Variants in CHD9 observed in about 807,000 individuals in gnomAD.
The protein encoded by CHD9 is chromodomain helicase DNA binding protein 9.
In CHD9, 77 loss-of-function variants were observed where a neutral mutation model predicts 316.1. The ratio of observed to expected loss-of-function variants is 0.24; its 90% CI spans 0.20 to 0.29. CHD9 has a LOEUF of 0.29. Ranked by LOEUF, CHD9 falls within the 10% of genes least tolerant of loss-of-function variation. CHD9 has a pLI of 1.00. For synonymous variants in CHD9, 1,129 were observed against 1,158.3 expected, an observed-to-expected ratio of 0.97 and a Z score of 0.51; for missense variants, 2,763 against 3,438.1, an observed-to-expected ratio of 0.80 and a Z score of 4.91.
chr16:53,204,046 A>AT lies in CHD9; in HGVS notation c.1453-5436_1453-5435insT, dbSNP rs1442183873. Reference sequence around the variant, plus strand: ...CTCAAAAAAAAAAAAAAAAAAAAAAAAAATATATATATACACACACACACA... The same window carrying AT: ...CTCAAAAAAAAAAAAAAAAAAAAAAATAAATATATATATACACACACACACA... On this transcript the variant is annotated intron_variant, in intron 2 of 38. Transcript: ENST00000447540. 4.0e-3 allele frequency among the ~76,000 whole-genome samples: 357 copies of AT among 89,854 alleles called. 14 individuals are homozygous for AT. The highest frequency in any genetic ancestry group is 0.011 in the African/African-American group (273 of 23,866). The allele number at this position is 89,854 out of a possible 152,430, so 58.9% of individuals were successfully genotyped here.
At chr16:53,214,395 A>G (rs534798064) in intron 3 of CHD9, among the ~76,000 whole-genome samples, 6 of 152,292 alleles carry the variant, frequency 3.9e-5, no homozygotes, top group Non-Finnish European at 5.9e-5. Flanking sequence ...GAAATAATAT[A>G]TGCTCGAATT....
intron 1 of CHD9, among the ~76,000 whole-genome samples, chr16:53,101,273 CTTT>C (rs1012377760): frequency 4.0e-5 from 5 of 124,840 alleles, no homozygotes; most frequent in Non-Finnish European, 6.6e-5. Context: ...TTTTCCTTTT[CTTT>C]TTTTTTTTTT....
At chr16:53,130,576 G>A (rs893970749) in intron 1 of CHD9, among the ~76,000 whole-genome samples, 1 of 150,456 alleles carries the variant, frequency 6.6e-6, no homozygotes, top group African/African-American at 2.4e-5. Context: ...CCACTGCACT[G>A]CCCCGCGCTC....
In CHD9 at chr16:53,257,860, G is replaced by GT. The variant is rs576227281; in HGVS notation, c.4209+2088dup. On this transcript the variant is annotated intron_variant, in intron 19 of 38. Transcript: ENST00000447540. ...ACTAAGTAGATGTACCCCGGCTCTA[G>GT]TTTTTTTCCTGGGAAATCTTACTTA... 4.7e-4 allele frequency among the ~76,000 whole-genome samples: 71 copies of GT among 152,194 alleles called. 2 individuals carry two copies. The South Asian group carries it at 0.013, about 28-fold the overall frequency.
chr16:53,127,629 A>C (rs531907868), intron 1 of CHD9, among the ~76,000 whole-genome samples: 5 of 151,970 alleles, frequency 3.3e-5, no homozygotes, highest in Non-Finnish European at 7.4e-5. Context: ...GCGGGGGGGA[A>C]TCCCTTTCTC....
In CHD9 at chr16:53,097,351, TCTCCCTTC is replaced by T. The variant is rs1367155204; in HGVS notation, c.-165+42277_-165+42284del. On this transcript the variant is annotated intron_variant, in intron 1 of 38. Coordinates refer to ENST00000447540, the MANE Select transcript of CHD9 (RefSeq NM_001308319.2). ...TTATCAACAATTCCTCTAACCTCGC[TCTCCCTTC>T]CTTCCTTCCTTCCTTCCTTCCTTCC... Among the ~76,000 whole-genome samples, 10 of 137,400 alleles carry T rather than the reference TCTCCCTTC, an allele frequency of 7.3e-5. No individual in the cohort carries two copies. In the South Asian group the frequency reaches 1.0e-3, roughly 14 times the overall value. 90.1% of individuals were successfully genotyped at this position (137,400 alleles called of 152,430 possible).
chr16:53,226,841 C>A (rs768064026), intron 5 of CHD9, among the ~76,000 whole-genome samples: 2 of 152,208 alleles, frequency 1.3e-5, no homozygotes, highest in African/African-American at 4.8e-5. Context: ...GTTTCCTAAA[C>A]CTTACAAAAA....
intron 1 of CHD9, among the ~76,000 whole-genome samples, chr16:53,090,600 C>T (rs2035850465): frequency 6.6e-6 from 1 of 152,188 alleles, no homozygotes; most frequent in Admixed American, 6.5e-5. Flanking sequence ...TTTTTGTGTG[C>T]AGTCCAGGTT....
At chr16:53,146,415 G>GTATATATATATATATATATATATA (rs149684203) in intron 1 of CHD9, among the ~76,000 whole-genome samples, 13 of 64,440 alleles carry the variant, frequency 2.0e-4, no homozygotes, top group African/African-American at 4.7e-4. Context: ...GTGTGTGTGT[G>GTATATATATATATATATATATATA]TATGTATATA....
rs1037388897 is a variant in CHD9 at position 53,326,132 on chromosome 16, A to T, written c.*1237A>T. On this transcript the variant is annotated 3_prime_UTR_variant, in exon 39 of 39. Coordinates refer to ENST00000447540, the MANE Select transcript of CHD9 (RefSeq NM_001308319.2). The stretch of plus-strand genomic sequence containing the variant: ...GTTCAATTTCATAGACTCCTTTACC[A>T]TGTAAAATTTGTCTGATATTTGATT... The T allele has an allele frequency of 1.3e-5, 2 of 152,524 alleles. No homozygotes were observed. Among genetic ancestry groups the T allele is most frequent in the Non-Finnish European group, 2.9e-5 (2 of 67,928 alleles). The allele number at this position is 152,524 out of a possible 1,614,324, so 9.4% of individuals were successfully genotyped here.
At chr16:53,214,944 C>A (rs550333268) in intron 3 of CHD9, among the ~76,000 whole-genome samples, 1 of 147,070 alleles carries the variant, frequency 6.8e-6, no homozygotes, top group Non-Finnish European at 1.5e-5. Flanking sequence ...GACGGAGTCT[C>A]ACTCTGTCTC....
chr16:53,076,965 C>T (rs912113966), intron 1 of CHD9, among the ~76,000 whole-genome samples: 1 of 151,512 alleles, frequency 6.6e-6, no homozygotes, highest in East Asian at 1.9e-4. Context: ...CAGGTGCATG[C>T]CACCAGGCCC....
At chr16:53,311,926 C>T (rs1567673357) in intron 34 of CHD9, 1 of 151,826 alleles carries the variant, frequency 6.6e-6, no homozygotes, top group African/African-American at 2.4e-5. Context: ...GCATTCAATA[C>T]AAAAAAAGCT....
chr16:53,241,641 G>GT (rs2049103884), intron 12 of CHD9, among the ~76,000 whole-genome samples: 1 of 152,152 alleles, frequency 6.6e-6, no homozygotes, highest in Non-Finnish European at 1.5e-5. Context: ...ATTTTTAGAG[G>GT]TAAATTTGAG....
intron 22 of CHD9, among the ~76,000 whole-genome samples, chr16:53,272,132 T>C (rs1157862478): frequency 6.6e-6 from 1 of 151,964 alleles, no homozygotes; most frequent in Non-Finnish European, 1.5e-5. Flanking sequence ...CCAAACAAGC[T>C]TAAAAGTTTA....
intron 22 of CHD9, among the ~76,000 whole-genome samples, chr16:53,273,328 G>A (rs2052474623): frequency 6.6e-6 from 1 of 151,992 alleles, no homozygotes; most frequent in East Asian, 1.9e-4. Flanking sequence ...TAAAGCAGAG[G>A]GCATAAGTTT....
intron 24 of CHD9, among the ~76,000 whole-genome samples, chr16:53,281,653 C>G: frequency 6.6e-6 from 1 of 152,156 alleles, no homozygotes; most frequent in African/African-American, 2.4e-5. Flanking sequence ...GCCTCCATAA[C>G]TCTGTACGTA....
chr16:53,077,536 C>T (rs1199404847), intron 1 of CHD9, among the ~76,000 whole-genome samples: 1 of 151,244 alleles, frequency 6.6e-6, no homozygotes, highest in African/African-American at 2.4e-5. Context: ...ACCATGTTAG[C>T]CAGGATGGGC....
intron 1 of CHD9, among the ~76,000 whole-genome samples, chr16:53,100,882 A>G (rs1353441037): frequency 6.6e-6 from 1 of 152,244 alleles, no homozygotes; most frequent in Non-Finnish European, 1.5e-5. Context: ...CTACTACTAC[A>G]TCAGATGGTG....
Sources: gnomAD v4.1 joint callset for allele counts (sites outside exome capture counted in the v4.1 genomes callset) on GRCh38, gnomAD v4.1.1 for gene constraint, MANE v1.5 for transcripts, NCBI Gene and HGNC (gene_info 2026-07-23, HGNC 2026-07-21) for gene names.